CNTNAP2: variants seen among roughly 807,000 people sequenced by gnomAD.
CNTNAP2 encodes contactin-associated protein-like 2.
In CNTNAP2, 98 loss-of-function variants were observed where a neutral mutation model predicts 155.2. The ratio of observed to expected loss-of-function variants is 0.63; its 90% CI spans 0.54 to 0.75. CNTNAP2 has a LOEUF of 0.75. CNTNAP2 is among the 30% of genes least tolerant of loss of function. CNTNAP2 has a pLI of 0.00. For synonymous variants in CNTNAP2, 651 were observed against 631.2 expected, an observed-to-expected ratio of 1.03 and a Z score of -0.47; for missense variants, 1,727 against 1,688.1, an observed-to-expected ratio of 1.02 and a Z score of -0.40.
chr7:146,787,119 G>T (rs1405578242), intron 2 of CNTNAP2, among the ~76,000 whole-genome samples: 1 of 151,958 alleles, frequency 6.6e-6, no homozygotes, highest in South Asian at 2.1e-4. Flanking sequence ...TCAACCCTCT[G>T]CTTAGACCAC....
intron 1 of CNTNAP2, among the ~76,000 whole-genome samples, chr7:146,539,430 A>C (rs1191893984): frequency 6.6e-6 from 1 of 152,080 alleles, no homozygotes; most frequent in Admixed American, 6.6e-5. Context: ...TTAAAAAGCA[A>C]TCTGCCAGTT....
At chr7:146,805,662 C>T (rs1364225413) in intron 2 of CNTNAP2, among the ~76,000 whole-genome samples, 1 of 152,138 alleles carries the variant, frequency 6.6e-6, no homozygotes, top group Admixed American at 6.5e-5. Flanking sequence ...TAATATTAAT[C>T]TCTGTGTCAT....
At chr7:147,077,883 G>A (rs1563067865) in intron 4 of CNTNAP2, among the ~76,000 whole-genome samples, 1 of 152,106 alleles carries the variant, frequency 6.6e-6, no homozygotes, top group Non-Finnish European at 1.5e-5. Flanking sequence ...TAGGCTTCAA[G>A]ATACACAGAT....
chr7:147,985,381 C>A lies in CNTNAP2; in HGVS notation c.2383+7392C>A, dbSNP rs186725557. Among the ~76,000 whole-genome samples the A allele has an allele frequency of 1.7e-3, 255 of 146,734 alleles. 1 individual carries two copies. Among genetic ancestry groups the A allele is most frequent in the African/African-American group, 6.1e-3 (242 of 39,870 alleles). ...TATGCCTTTTCTCCATTTAATCTGA[C>A]TCTTGGGAGTTGATTTATGTTTTTA... is the stretch of plus-strand genomic sequence containing the variant. On this transcript the variant is annotated intron_variant, in intron 15 of 23. Coordinates refer to ENST00000361727, the MANE Select transcript of CNTNAP2 (RefSeq NM_014141.6).
intron 8 of CNTNAP2, among the ~76,000 whole-genome samples, chr7:147,208,445 T>A (rs192940607): frequency 1.3e-5 from 2 of 152,170 alleles, no homozygotes; most frequent in East Asian, 1.9e-4. Flanking sequence ...TTTAAGCAGA[T>A]CAGTTTGGAG....
At chr7:146,122,174 C>T (rs1425414400) in intron 1 of CNTNAP2, among the ~76,000 whole-genome samples, 1 of 152,190 alleles carries the variant, frequency 6.6e-6, no homozygotes, top group East Asian at 1.9e-4. Context: ...CCTAGATGTG[C>T]TTAGCTCAGC....
chr7:146,451,367 T>C (rs945696351), intron 1 of CNTNAP2, among the ~76,000 whole-genome samples: 1 of 152,208 alleles, frequency 6.6e-6, no homozygotes, highest in African/African-American at 2.4e-5. Flanking sequence ...CCCTTTTCTC[T>C]GGCATTAACT....
At chr7:146,901,414 ATAT>A (rs766886859) in intron 3 of CNTNAP2, among the ~76,000 whole-genome samples, 13 of 152,210 alleles carry the variant, frequency 8.5e-5, no homozygotes, top group East Asian at 1.9e-4. Context: ...AATTTCTCAG[ATAT>A]TATGAATACA....
At chr7:146,983,519 C>T (rs893778618) in intron 3 of CNTNAP2, among the ~76,000 whole-genome samples, 5 of 152,140 alleles carry the variant, frequency 3.3e-5, no homozygotes, top group African/African-American at 1.2e-4. Flanking sequence ...CTCCCTTGCC[C>T]CATCGCTACA....
intron 8 of CNTNAP2, among the ~76,000 whole-genome samples, chr7:147,212,806 TTG>T (rs1191319157): frequency 1.3e-5 from 2 of 152,198 alleles, no homozygotes; most frequent in African/African-American, 2.4e-5. Context: ...TTTAAATGGA[TTG>T]TGTGTAGTTT....
intron 1 of CNTNAP2, among the ~76,000 whole-genome samples, chr7:146,498,027 CAGTT>C (rs979617235): frequency 3.3e-5 from 5 of 151,952 alleles, no homozygotes; most frequent in South Asian, 2.1e-4. Flanking sequence ...ATGGAACTCA[CAGTT>C]AGTAAGAGAA....
At chr7:147,982,673 T>A (rs999989234) in intron 15 of CNTNAP2, among the ~76,000 whole-genome samples, 2 of 152,204 alleles carry the variant, frequency 1.3e-5, no homozygotes, top group African/African-American at 2.4e-5. Flanking sequence ...ATTATCTTTT[T>A]TTTGCAAGAA....
intron 22 of CNTNAP2, among the ~76,000 whole-genome samples, chr7:148,386,228 T>A (rs574343765): frequency 1.3e-5 from 2 of 152,218 alleles, no homozygotes; most frequent in African/African-American, 4.8e-5. Context: ...TTATACCAAT[T>A]ACAAGGACAG....
chr7:146,669,259 AG>A (rs1800254620), intron 1 of CNTNAP2, among the ~76,000 whole-genome samples: 1 of 152,164 alleles, frequency 6.6e-6, no homozygotes, highest in South Asian at 2.1e-4. Flanking sequence ...AAGAACAGGC[AG>A]TAAGCCCACC....
intron 14 of CNTNAP2, among the ~76,000 whole-genome samples, chr7:147,971,038 G>T (rs1162243110): frequency 1.3e-5 from 2 of 152,138 alleles, no homozygotes; most frequent in Non-Finnish European, 2.9e-5. Context: ...AGGAAGAAAG[G>T]TCAATGGAAT....
chr7:146,939,350 G>A, intron 3 of CNTNAP2, among the ~76,000 whole-genome samples: 1 of 152,250 alleles, frequency 6.6e-6, no homozygotes, highest in Admixed American at 6.5e-5. Context: ...CTAGCAAATA[G>A]AGAATTCAAT....
At chr7:147,789,153 C>T (rs530520111) in intron 13 of CNTNAP2, among the ~76,000 whole-genome samples, 153 of 151,894 alleles carry the variant, frequency 1.0e-3, no homozygotes, top group African/African-American at 3.5e-3. Context: ...GTGATCTGCC[C>T]GCCTCGGCCT....
Position 146,687,038 on chromosome 7 carries a change from C to T in CNTNAP2, c.98-87233C>T, listed in dbSNP as rs376702869. ...GCCTAACTAGCATTCTTCTTCTGAG[C>T]GAGGTGCATGAGGTACCTGAGAGAT... On this transcript the variant is annotated intron_variant, in intron 1 of 23. Coordinates refer to ENST00000361727, the MANE Select transcript of CNTNAP2 (RefSeq NM_014141.6). Among the ~76,000 whole-genome samples the T allele has an allele frequency of 4.2e-4, 64 of 152,196 alleles. 1 individual carries two copies. The South Asian group carries it at 0.012, about 28-fold the overall frequency.
chr7:146,337,623 T>C (rs1371152640), intron 1 of CNTNAP2, among the ~76,000 whole-genome samples: 1 of 148,780 alleles, frequency 6.7e-6, no homozygotes, highest in East Asian at 2.0e-4. Flanking sequence ...ATACCTGGCT[T>C]TTTTGTTTGT....
Sources: gnomAD v4.1 joint callset for allele counts (sites outside exome capture counted in the v4.1 genomes callset) on GRCh38, gnomAD v4.1.1 for gene constraint, MANE v1.5 for transcripts, NCBI Gene and HGNC (gene_info 2026-07-23, HGNC 2026-07-21) for gene names.